The following RGS21 variants were observed in gnomAD, a reference collection of about 807,000 sequenced individuals.
RGS21 encodes regulator of G protein signaling 21, also known as regulator of G-protein signalling 21.
In RGS21, 19 loss-of-function variants were observed where a neutral mutation model predicts 18.7. That is an observed-to-expected ratio of 1.01 (90% CI 0.71 to 1.49). The LOEUF (loss-of-function observed/expected upper bound fraction) is 1.49, where lower values mean the gene tolerates loss of function less well. RGS21 is among the 40% of genes most tolerant of loss of function. RGS21 has a pLI of 0.00. For missense variants in RGS21, 194 were observed against 176.8 expected, an observed-to-expected ratio of 1.10 and a Z score of -0.55; for synonymous variants, 56 against 57.8, an observed-to-expected ratio of 0.97 and a Z score of 0.14.
intron 4 of RGS21, among the ~76,000 whole-genome samples, chr1:192,360,025 C>G (rs943771625): frequency 2.6e-5 from 4 of 151,852 alleles, no homozygotes; most frequent in Admixed American, 2.0e-4. Flanking sequence ...TGCCCTTTCA[C>G]CATTTCTTTT....
intron 1 of RGS21, among the ~76,000 whole-genome samples, chr1:192,339,234 A>AT (rs939921395): frequency 3.3e-5 from 5 of 151,840 alleles, no homozygotes; most frequent in African/African-American, 7.3e-5. Context: ...TTAAAAAAAA[A>AT]GAACATTGTT....
chr1:192,342,480 T>C (rs1658885145), intron 1 of RGS21, among the ~76,000 whole-genome samples: 1 of 151,972 alleles, frequency 6.6e-6, no homozygotes, highest in Admixed American at 6.6e-5. Context: ...TGTCTTATAT[T>C]AGAACATTTT....
At chr1:192,358,225 T>C (rs576272354) in intron 4 of RGS21, among the ~76,000 whole-genome samples, 19 of 152,188 alleles carry the variant, frequency 1.2e-4, no homozygotes, top group African/African-American at 4.3e-4. Flanking sequence ...AGGATGGTTT[T>C]GAATTATATT....
At chr1:192,317,556 T>C (rs1658438428) in intron 1 of RGS21, among the ~76,000 whole-genome samples, 1 of 151,866 alleles carries the variant, frequency 6.6e-6, no homozygotes, top group African/African-American at 2.4e-5. Context: ...CCAATTACCA[T>C]ACCTGAAAGT....
At chr1:192,360,680 A>C (rs1246321733) in intron 4 of RGS21, among the ~76,000 whole-genome samples, 2 of 152,116 alleles carry the variant, frequency 1.3e-5, no homozygotes, top group African/African-American at 4.8e-5. Context: ...AGAAGTCCTT[A>C]ACAAGATCTA....
intron 1 of RGS21, among the ~76,000 whole-genome samples, chr1:192,317,894 T>G (rs1658441885): frequency 6.6e-6 from 1 of 152,028 alleles, no homozygotes; most frequent in African/African-American, 2.4e-5. Context: ...TGTAATTTCA[T>G]AAAATTTTTA....
chr1:192,326,485 G>A (rs1220858567), intron 1 of RGS21, among the ~76,000 whole-genome samples: 1 of 151,964 alleles, frequency 6.6e-6, no homozygotes, highest in Non-Finnish European at 1.5e-5. Context: ...ATGACATAAG[G>A]AAATAATTCT....
chr1:192,363,942 TC>T (rs879756323), intron 4 of RGS21, among the ~76,000 whole-genome samples: 2 of 152,116 alleles, frequency 1.3e-5, no homozygotes, highest in Non-Finnish European at 2.9e-5. Context: ...TGGTTTTGTT[TC>T]CCCAAATACA....
At chr1:192,365,815 A>T (rs1659249768) in intron 4 of RGS21, 106 bp from the exon 5 acceptor site, 1 of 624,056 alleles carries the variant, frequency 1.6e-6, no homozygotes, top group East Asian at 3.1e-5. Flanking sequence ...GCTGTTTTGC[A>T]TCAGATTTGC....
At chr1:192,363,893 T>C (rs1659220411) in intron 4 of RGS21, among the ~76,000 whole-genome samples, 1 of 152,150 alleles carries the variant, frequency 6.6e-6, no homozygotes, top group East Asian at 1.9e-4. Context: ...ATCTTCTTCT[T>C]ATCTTTCAAC....
intron 2 of RGS21, among the ~76,000 whole-genome samples, chr1:192,345,688 G>T (rs1375984670): frequency 6.6e-6 from 1 of 151,952 alleles, no homozygotes; most frequent in Non-Finnish European, 1.5e-5. Context: ...GCATGGCCAG[G>T]TTCCTCTCTA....
intron 1 of RGS21, among the ~76,000 whole-genome samples, chr1:192,332,475 TC>T (rs1658672302): frequency 1.3e-5 from 2 of 152,152 alleles, no homozygotes; most frequent in South Asian, 4.1e-4. Context: ...TTTAAATGAA[TC>T]ATAGATTTAA....
rs114480049 is a variant in RGS21 at position 192,363,070 on chromosome 1, A to G, written c.256-2851A>G. ...AGGAGTGACTTTCAGTTTGATTGAGATATTATGAGAAATGTTTAAAAGTAA... is the reference window on the plus strand; with the variant it reads ...AGGAGTGACTTTCAGTTTGATTGAGGTATTATGAGAAATGTTTAAAAGTAA... On this transcript the variant is annotated intron_variant, in intron 4 of 4. Transcript: ENST00000417209. Among the ~76,000 whole-genome samples the G allele has an allele frequency of 5.2e-3, 797 of 152,260 alleles. 7 individuals are homozygous for G. The highest frequency in any genetic ancestry group is 0.019 in the African/African-American group (772 of 41,556).
At chr1:192,321,889 C>A (rs1050739259) in intron 1 of RGS21, among the ~76,000 whole-genome samples, 1 of 151,924 alleles carries the variant, frequency 6.6e-6, no homozygotes, top group South Asian at 2.1e-4. Flanking sequence ...AAATAAAAAA[C>A]AGCTAAAAAC....
chr1:192,344,030 T>A (rs1343901304), intron 2 of RGS21, among the ~76,000 whole-genome samples: 4 of 152,082 alleles, frequency 2.6e-5, no homozygotes, highest in Admixed American at 2.0e-4. Flanking sequence ...CAGAAGATGA[T>A]ATTTCTTACT....
intron 1 of RGS21, among the ~76,000 whole-genome samples, chr1:192,324,876 C>T (rs1466228199): frequency 6.6e-6 from 1 of 151,904 alleles, no homozygotes; most frequent in East Asian, 1.9e-4. Flanking sequence ...CATTCAGAAG[C>T]TTAATTGAAA....
chr1:192,325,567 C>T lies in RGS21; in HGVS notation c.-61+8462C>T, dbSNP rs555224321. 5.9e-5 allele frequency among the ~76,000 whole-genome samples: 9 copies of T among 152,144 alleles called. No individual in the cohort carries two copies. In the East Asian group the frequency reaches 1.4e-3, roughly 23 times the overall value. ...CACAGAGGCTGAACTAATTTACATTCCCACCAGTGTATAAGTGTTCCCTTT... is the reference window on the plus strand; with the variant it reads ...CACAGAGGCTGAACTAATTTACATTTCCACCAGTGTATAAGTGTTCCCTTT... On this transcript the variant is annotated intron_variant, in intron 1 of 4. Transcript: ENST00000417209.
intron 1 of RGS21, among the ~76,000 whole-genome samples, chr1:192,332,675 T>C (rs1658675143): frequency 6.6e-6 from 1 of 152,190 alleles, no homozygotes; most frequent in Non-Finnish European, 1.5e-5. Flanking sequence ...GCAAACCACA[T>C]ACTAGGAAGT....
chr1:192,349,519 G>A (rs1659005284), intron 3 of RGS21, among the ~76,000 whole-genome samples: 1 of 152,118 alleles, frequency 6.6e-6, no homozygotes, highest in African/African-American at 2.4e-5. Context: ...CTTTGTTGAT[G>A]CTAACCAGTA....
Sources: allele counts gnomAD v4.1 joint callset (sites outside exome capture counted in the v4.1 genomes callset), GRCh38; gene constraint gnomAD v4.1.1; transcripts MANE v1.5; gene names NCBI Gene and HGNC (gene_info 2026-07-23, HGNC 2026-07-21).